The following LRMDA variants were observed in gnomAD, a reference collection of about 807,000 sequenced individuals.
LRMDA encodes leucine-rich melanocyte differentiation-associated protein.
A neutral mutation model predicts 29.8 loss-of-function variants in LRMDA; 18 were observed. That is an observed-to-expected ratio of 0.60 (90% CI 0.42 to 0.90). The LOEUF (loss-of-function observed/expected upper bound fraction) is 0.90, where lower values mean the gene tolerates loss of function less well. Among genes scored for constraint, LRMDA ranks in the 40% least tolerant of loss-of-function variants. The pLI, the probability that LRMDA is intolerant of heterozygous loss-of-function variation, is 0.00. For missense variants in LRMDA, 273 were observed against 273.9 expected (o/e 1.00, Z 0.02); for synonymous variants, 125 against 109.4 (o/e 1.14, Z -0.89).
chr10:76,439,564 G>T (rs996455642), intron 6 of LRMDA, among the ~76,000 whole-genome samples: 1 of 152,194 alleles, frequency 6.6e-6, no homozygotes, highest in Admixed American at 6.5e-5. Flanking sequence ...AGTTTAGAAA[G>T]AATTCAGTGA....
intron 6 of LRMDA, among the ~76,000 whole-genome samples, chr10:76,328,795 G>A (rs564213730): frequency 9.2e-5 from 14 of 152,288 alleles, no homozygotes; most frequent in Non-Finnish European, 2.1e-4. Context: ...ATAAAATCAG[G>A]AGTGGAGAAA....
intron 5 of LRMDA, among the ~76,000 whole-genome samples, chr10:76,161,096 G>A (rs908117713): frequency 1.3e-5 from 2 of 152,068 alleles, no homozygotes; most frequent in African/African-American, 4.8e-5. Context: ...GAAAAACAGA[G>A]GGAAACAAGA....
intron 2 of LRMDA, among the ~76,000 whole-genome samples, chr10:76,029,678 A>G (rs1429987902): frequency 6.6e-6 from 1 of 152,168 alleles, no homozygotes. Context: ...TTTAGGCATC[A>G]TATTTGAAAG....
At chr10:75,803,853 C>G (rs1191031497) in intron 2 of LRMDA, among the ~76,000 whole-genome samples, 1 of 152,194 alleles carries the variant, frequency 6.6e-6, no homozygotes, top group Non-Finnish European at 1.5e-5. Context: ...TCTTTTCTGT[C>G]TGAGTGGGAC....
intron 2 of LRMDA, among the ~76,000 whole-genome samples, chr10:76,033,524 C>A (rs1298323212): frequency 6.6e-6 from 1 of 152,118 alleles, no homozygotes; most frequent in Non-Finnish European, 1.5e-5. Flanking sequence ...CATCTTCATG[C>A]TGTGTCGTTT....
At chr10:76,244,302 C>G (rs1367657772) in intron 5 of LRMDA, among the ~76,000 whole-genome samples, 1 of 152,116 alleles carries the variant, frequency 6.6e-6, no homozygotes, top group Admixed American at 6.5e-5. Flanking sequence ...ATTCCTTCTC[C>G]CATCACCTCC....
At chr10:76,159,438 A>G (rs188737008) in intron 5 of LRMDA, among the ~76,000 whole-genome samples, 2 of 152,312 alleles carry the variant, frequency 1.3e-5, no homozygotes, top group African/African-American at 4.8e-5. Flanking sequence ...CTGGAGGGGA[A>G]ACAAAATGAG....
rs548077812 is a variant in LRMDA, at chr10:75,672,423, G to A, written c.131+233929G>A. ...CTGCTTTGAAGGCACTGGTTTTCTCGTTCAAGATACATTCCCTTTCTGTAG... is the reference window on the plus strand; with the variant it reads ...CTGCTTTGAAGGCACTGGTTTTCTCATTCAAGATACATTCCCTTTCTGTAG... On this transcript the variant is annotated intron_variant, in intron 2 of 6. Transcript: ENST00000611255. 4.0e-5 allele frequency among the ~76,000 whole-genome samples: 6 copies of A among 150,804 alleles called. No homozygotes were observed. The South Asian group carries it at 6.3e-4, about 16-fold the overall frequency.
intron 2 of LRMDA, among the ~76,000 whole-genome samples, chr10:75,766,875 T>A (rs991293203): frequency 6.6e-6 from 1 of 152,182 alleles, no homozygotes; most frequent in Non-Finnish European, 1.5e-5. Context: ...CTCCCACTTA[T>A]GAATGAGAAC....
At chr10:75,443,963 A>C (rs1844360437) in intron 2 of LRMDA, among the ~76,000 whole-genome samples, 1 of 152,196 alleles carries the variant, frequency 6.6e-6, no homozygotes, top group African/African-American at 2.4e-5. Flanking sequence ...TCAACCACTC[A>C]TATAAGGAAC....
At chr10:75,738,914 T>C (rs1842797003) in intron 2 of LRMDA, among the ~76,000 whole-genome samples, 1 of 152,142 alleles carries the variant, frequency 6.6e-6, no homozygotes. Context: ...CTCTTTCTAT[T>C]TTCTGGTTAC....
intron 5 of LRMDA, among the ~76,000 whole-genome samples, chr10:76,245,345 G>A (rs1224541655): frequency 6.6e-6 from 1 of 152,126 alleles, no homozygotes; most frequent in Non-Finnish European, 1.5e-5. Context: ...CTGGGAATAA[G>A]TAGGCAGGGG....
intron 2 of LRMDA, among the ~76,000 whole-genome samples, chr10:75,972,370 T>C (rs1846989865): frequency 6.6e-6 from 1 of 152,032 alleles, no homozygotes; most frequent in South Asian, 2.1e-4. Context: ...CTCTATGGTG[T>C]CCCAAGGAAA....
intron 2 of LRMDA, among the ~76,000 whole-genome samples, chr10:75,662,632 C>T (rs1390426388): frequency 6.6e-6 from 1 of 152,138 alleles, no homozygotes; most frequent in African/African-American, 2.4e-5. Context: ...GTTAAAAAAG[C>T]GCAATTACCC....
intron 2 of LRMDA, among the ~76,000 whole-genome samples, chr10:75,871,922 AG>A (rs1438018831): frequency 6.6e-6 from 1 of 152,192 alleles, no homozygotes; most frequent in Non-Finnish European, 1.5e-5. Context: ...AGGAAACTGA[AG>A]GCAAATGTAT....
rs568843875 is a variant in LRMDA, at chr10:75,801,737, C to T, written c.132-234271C>T. ...CTAAGCCATTGAACTTCGGCATTTGCTCTGAGTGAGAGATAAGGAGCTGTC... is the reference window on the plus strand; with the variant it reads ...CTAAGCCATTGAACTTCGGCATTTGTTCTGAGTGAGAGATAAGGAGCTGTC... On this transcript the variant is annotated intron_variant, in intron 2 of 6. Coordinates refer to ENST00000611255, the MANE Select transcript of LRMDA (RefSeq NM_001305581.2). 1.8e-4 allele frequency among the ~76,000 whole-genome samples: 27 copies of T among 152,242 alleles called. No homozygotes were observed. In the South Asian group the frequency reaches 5.6e-3, roughly 32 times the overall value.
intron 6 of LRMDA, among the ~76,000 whole-genome samples, chr10:76,484,605 A>G (rs1225784876): frequency 1.3e-5 from 2 of 151,912 alleles, no homozygotes; most frequent in African/African-American, 4.8e-5. Context: ...GTACAGATAA[A>G]ACTGATTTTT....
At chr10:75,768,772 T>C (rs1843201726) in intron 2 of LRMDA, among the ~76,000 whole-genome samples, 1 of 152,192 alleles carries the variant, frequency 6.6e-6, no homozygotes, top group African/African-American at 2.4e-5. Flanking sequence ...AACTGTGTTA[T>C]ATAGTACAAT....
chr10:75,621,142 C>G (rs891963912), intron 2 of LRMDA, among the ~76,000 whole-genome samples: 1 of 151,906 alleles, frequency 6.6e-6, no homozygotes, highest in African/African-American at 2.4e-5. Context: ...CCAATTCCAT[C>G]CAGGTTGCTG....
Sources: allele counts gnomAD v4.1 joint callset (sites outside exome capture counted in the v4.1 genomes callset), GRCh38; gene constraint gnomAD v4.1.1; transcripts MANE v1.5; gene names NCBI Gene and HGNC (gene_info 2026-07-23, HGNC 2026-07-21).